Variants in SMYD3 observed in about 807,000 individuals in gnomAD.
SMYD3 encodes the protein SET and MYND domain containing 3, also known as histone-lysine N-methyltransferase SMYD3.
Under a neutral mutation model 57.7 loss-of-function variants are expected in SMYD3, and 36 were observed. That is an observed-to-expected ratio of 0.62 (90% CI 0.48 to 0.82). SMYD3 has a LOEUF of 0.82. Among genes scored for constraint, SMYD3 ranks in the 40% least tolerant of loss-of-function variants. The probability of loss-of-function intolerance (pLI) is 0.00; values close to 1 mark genes in which losing one functional copy is unlikely to be tolerated. For synonymous variants in SMYD3, 211 were observed against 195.0 expected (o/e 1.08, Z -0.68); for missense variants, 515 against 538.8 (o/e 0.96, Z 0.44).
At chr1:246,498,829 C>G (rs1228569682) in intron 1 of SMYD3, among the ~76,000 whole-genome samples, 2 of 152,036 alleles carry the variant, frequency 1.3e-5, no homozygotes, top group Non-Finnish European at 2.9e-5. Context: ...GCTTATACCC[C>G]CCAGGCTGGA....
intron 5 of SMYD3, among the ~76,000 whole-genome samples, chr1:245,942,107 G>A (rs996636179): frequency 2.0e-5 from 3 of 152,174 alleles, no homozygotes; most frequent in African/African-American, 7.2e-5. Flanking sequence ...CATGATGACA[G>A]GATCAAATTC....
intron 5 of SMYD3, among the ~76,000 whole-genome samples, chr1:246,298,906 G>A (rs1231762710): frequency 6.6e-6 from 1 of 152,008 alleles, no homozygotes; most frequent in Non-Finnish European, 1.5e-5. Context: ...ATTACAAAGA[G>A]GCATTACTTA....
chr1:246,255,931 T>TGGAC (rs763159802), intron 5 of SMYD3, among the ~76,000 whole-genome samples: 22,687 of 90,000 alleles, frequency 0.25, 2,648 homozygotes, highest in East Asian at 0.63. Flanking sequence ...ACTAATAAGA[T>TGGAC]AGATAGATAG....
At chr1:245,773,272 G>A (rs956310528) in intron 10 of SMYD3, among the ~76,000 whole-genome samples, 1 of 152,196 alleles carries the variant, frequency 6.6e-6, no homozygotes, top group Non-Finnish European at 1.5e-5. Flanking sequence ...ATGATTCTGG[G>A]TGAGTGTCCT....
rs1227864801 is a variant in SMYD3, at chr1:246,358,747, TAA to T, written c.165-3655_165-3654del. 3.9e-5 allele frequency among the ~76,000 whole-genome samples: 6 copies of T among 152,302 alleles called. No homozygotes were observed. In the East Asian group the frequency reaches 1.2e-3, roughly 29 times the overall value. On this transcript the variant is annotated intron_variant, in intron 1 of 11. Coordinates refer to ENST00000490107, the MANE Select transcript of SMYD3 (RefSeq NM_001167740.2). ...CAACAATGAAATCAAGATGGAAATTTAAAAAGTCTTTGAACTGAACAATAACA... is the reference window on the plus strand; with the variant it reads ...CAACAATGAAATCAAGATGGAAATTTAAAGTCTTTGAACTGAACAATAACA...
chr1:246,452,932 C>A (rs148353873), intron 1 of SMYD3, among the ~76,000 whole-genome samples: 100 of 152,200 alleles, frequency 6.6e-4, no homozygotes, highest in African/African-American at 2.3e-3. Flanking sequence ...GAAAGCCCAC[C>A]ATTGGGCTTC....
intron 1 of SMYD3, among the ~76,000 whole-genome samples, chr1:246,494,822 T>TATGACAATTA (rs1432471930): frequency 2.0e-5 from 3 of 152,234 alleles, no homozygotes; most frequent in African/African-American, 7.2e-5. Context: ...TTGTCCTACC[T>TATGACAATTA]ATGACAATTA....
chr1:246,476,642 G>C lies in SMYD3; in HGVS notation c.164+30412C>G, dbSNP rs2068034326. On this transcript the variant is annotated intron_variant, in intron 1 of 11. Transcript: ENST00000490107. ...TCTGCAATTCAAATACAGAACCAAG[G>C]GGCTGCTTTCAACCTATATGAAGAC... 2.0e-5 allele frequency among the ~76,000 whole-genome samples: 3 copies of C among 152,094 alleles called. No homozygotes were observed. In the South Asian group the frequency reaches 6.2e-4, roughly 32 times the overall value.
intron 8 of SMYD3, among the ~76,000 whole-genome samples, chr1:245,866,238 G>C (rs1011785379): frequency 2.0e-5 from 3 of 152,150 alleles, no homozygotes; most frequent in Non-Finnish European, 2.9e-5. Context: ...TGGGGCAGTG[G>C]GTGTGTGTAT....
chr1:246,044,157 C>A (rs2059924209), intron 5 of SMYD3, among the ~76,000 whole-genome samples: 1 of 152,114 alleles, frequency 6.6e-6, no homozygotes. Flanking sequence ...CGAATAAAGA[C>A]CAACTTGAAC....
chr1:245,928,742 C>T (rs757219713), intron 6 of SMYD3, among the ~76,000 whole-genome samples: 1 of 152,228 alleles, frequency 6.6e-6, no homozygotes, highest in East Asian at 1.9e-4. Context: ...CCCATAGGAT[C>T]TCATTTGTTG....
intron 8 of SMYD3, among the ~76,000 whole-genome samples, chr1:245,914,755 G>T (rs2055273866): frequency 6.6e-6 from 1 of 152,130 alleles, no homozygotes; most frequent in Non-Finnish European, 1.5e-5. Flanking sequence ...GAATATTCAT[G>T]ACATAAAGAA....
intron 5 of SMYD3, among the ~76,000 whole-genome samples, chr1:245,978,086 T>C (rs1264014511): frequency 2.6e-5 from 4 of 152,228 alleles, no homozygotes; most frequent in Non-Finnish European, 5.9e-5. Context: ...CCAGCACGCC[T>C]GGCTCTTTGT....
At chr1:245,943,460 T>G (rs1361180954) in intron 5 of SMYD3, among the ~76,000 whole-genome samples, 1 of 151,984 alleles carries the variant, frequency 6.6e-6, no homozygotes, top group Non-Finnish European at 1.5e-5. Flanking sequence ...TCTGAATAGA[T>G]CAGTAACAAG....
intron 1 of SMYD3, among the ~76,000 whole-genome samples, chr1:246,405,826 C>T (rs912725124): frequency 2.7e-5 from 4 of 149,464 alleles, no homozygotes; most frequent in South Asian, 2.1e-4. Flanking sequence ...AGGAGAATGG[C>T]GTGAACCCAG....
At chr1:246,068,719 A>G (rs534901693) in intron 5 of SMYD3, among the ~76,000 whole-genome samples, 2 of 152,322 alleles carry the variant, frequency 1.3e-5, no homozygotes, top group East Asian at 1.9e-4. Context: ...AAAAACCACA[A>G]TAAAAAATAC....
At chr1:246,290,792 A>G (rs1047658356) in intron 5 of SMYD3, among the ~76,000 whole-genome samples, 3 of 152,172 alleles carry the variant, frequency 2.0e-5, no homozygotes, top group African/African-American at 7.2e-5. Context: ...TTCCTTCTGA[A>G]CTAAACACAC....
chr1:246,459,284 G>C (rs147097170), intron 1 of SMYD3, among the ~76,000 whole-genome samples: 1,965 of 146,858 alleles, frequency 0.013, 40 homozygotes, highest in African/African-American at 0.046. Flanking sequence ...AAGAGATCTT[G>C]TTATTTGAAA....
At chr1:245,853,287 GCC>G (rs2051067679) in intron 10 of SMYD3, among the ~76,000 whole-genome samples, 1 of 152,210 alleles carries the variant, frequency 6.6e-6, no homozygotes, top group Non-Finnish European at 1.5e-5. Context: ...GACCCAGCCT[GCC>G]CTCTAGGAAT....
Sources: gnomAD v4.1 joint callset for allele counts (sites outside exome capture counted in the v4.1 genomes callset) on GRCh38, gnomAD v4.1.1 for gene constraint, MANE v1.5 for transcripts, NCBI Gene and HGNC (gene_info 2026-07-23, HGNC 2026-07-21) for gene names.